The following ZC3H13 variants were observed in gnomAD, a reference collection of about 807,000 sequenced individuals.
The protein encoded by ZC3H13 is zinc finger CCCH domain-containing protein 13.
ZC3H13 carries 64 observed loss-of-function variants against 204.1 expected under a neutral mutation model. The ratio of observed to expected loss-of-function variants is 0.31; its 90% CI spans 0.26 to 0.39. ZC3H13 has a LOEUF of 0.39. Ranked by LOEUF, ZC3H13 falls within the 10% of genes least tolerant of loss-of-function variation. The probability of loss-of-function intolerance (pLI) is 1.00; values close to 1 mark genes in which losing one functional copy is unlikely to be tolerated. For missense variants in ZC3H13, 1,833 were observed against 2,082.7 expected (o/e 0.88, Z 2.33); for synonymous variants, 667 against 693.7 (o/e 0.96, Z 0.60).
intron 9 of ZC3H13, among the ~76,000 whole-genome samples, chr13:45,986,540 A>C (rs899031598): frequency 2.0e-5 from 3 of 152,252 alleles, no homozygotes; most frequent in African/African-American, 7.2e-5. Flanking sequence ...TTTTATAATA[A>C]AGAAATAGAG....
At chr13:45,968,310 T>G (rs1952263624) in intron 14 of ZC3H13, among the ~76,000 whole-genome samples, 1 of 152,070 alleles carries the variant, frequency 6.6e-6, no homozygotes, top group South Asian at 2.1e-4. Flanking sequence ...ACTATAACCA[T>G]AAAATATCTT....
intron 12 of ZC3H13, among the ~76,000 whole-genome samples, chr13:45,974,352 T>A (rs1034281829): frequency 6.6e-6 from 1 of 152,156 alleles, no homozygotes; most frequent in Non-Finnish European, 1.5e-5. Flanking sequence ...AGCCATCATA[T>A]GGAGAAAACC....
rs1157006780 is a variant in ZC3H13, at chr13:45,967,906, G to A, written c.3919C>T (p.His1307Tyr). ...CTCTCTCTCTCGCGCTCTCTGTCGT[G>A]TTCATATCGATCTCGTTCTTGAAGC... ...DRLQERDRYE[H>Y]DRERERERRD... The change falls in exon 15 of 19, where the codon CAC becomes TAC. Residue 1307 changes from histidine to tyrosine, a missense_variant. Physicochemically the swap from His to Tyr is moderately conservative, Grantham distance 83. This residue lies in a region of ZC3H13 where 1,574 missense variants were observed against 1,757.2 expected (regional missense o/e 0.90). Coordinates refer to ENST00000679008, the MANE Select transcript of ZC3H13 (RefSeq NM_001330564.2). 1 of 1,613,662 alleles carries A rather than the reference G, an allele frequency of 6.2e-7. No homozygotes were observed. The highest frequency in any genetic ancestry group is 8.5e-7 in the Non-Finnish European group (1 of 1,179,902).
intron 10 of ZC3H13, among the ~76,000 whole-genome samples, chr13:45,982,806 A>G (rs1566200523): frequency 6.6e-6 from 1 of 152,188 alleles, no homozygotes; most frequent in Admixed American, 6.5e-5. Context: ...ACAAAAAACA[A>G]AAACAAAAAA....
chr13:45,983,377 G>A (rs1953833564), intron 10 of ZC3H13, among the ~76,000 whole-genome samples: 1 of 111,384 alleles, frequency 9.0e-6, no homozygotes, highest in Non-Finnish European at 1.7e-5. Context: ...TTTAAAATCT[G>A]AAACAAAGCA....
chr13:45,979,788 T>C, intron 11 of ZC3H13, 25 bp downstream of exon 11: 1 of 1,538,754 alleles, frequency 6.5e-7, no homozygotes, highest in Non-Finnish European at 8.7e-7. Flanking sequence ...TTGTTCACTA[T>C]TTAATAAAAT....
At chr13:46,042,458 G>A (rs921483909) in intron 3 of ZC3H13, among the ~76,000 whole-genome samples, 183 bp from the exon 4 acceptor site, 1 of 151,992 alleles carries the variant, frequency 6.6e-6, no homozygotes, top group East Asian at 1.9e-4. Context: ...ATATTAATAT[G>A]CAAAACACGA....
chr13:46,005,320 TAC>T (rs1458271825), intron 7 of ZC3H13, among the ~76,000 whole-genome samples: 6 of 152,228 alleles, frequency 3.9e-5, no homozygotes, highest in Admixed American at 2.0e-4. Flanking sequence ...TTCTCTTTAT[TAC>T]ACAGTTACTG....
intron 11 of ZC3H13, among the ~76,000 whole-genome samples, chr13:45,977,394 C>T (rs1953143846): frequency 6.6e-6 from 1 of 152,152 alleles, no homozygotes; most frequent in Non-Finnish European, 1.5e-5. Flanking sequence ...TTCAGACATG[C>T]TTTTATGGGA....
intron 4 of ZC3H13, among the ~76,000 whole-genome samples, chr13:46,028,602 T>C (rs770211197): frequency 1.1e-4 from 17 of 152,168 alleles, no homozygotes; most frequent in Non-Finnish European, 2.1e-4. Flanking sequence ...AATCATACAA[T>C]GTCTGCTTTC....
chr13:45,989,384 T>A (rs750102605), intron 8 of ZC3H13, among the ~76,000 whole-genome samples: 1 of 152,164 alleles, frequency 6.6e-6, no homozygotes, highest in Non-Finnish European at 1.5e-5. Context: ...CTACCCTAAC[T>A]TAAAGTATGG....
Position 45,985,580 on chromosome 13 carries a change from T to C in ZC3H13, c.1437A>G (p.Ser479=). The change falls in exon 10 of 19, where the codon TCA becomes TCG. Residue 479 remains serine (S), a synonymous_variant. Coordinates refer to ENST00000679008, the MANE Select transcript of ZC3H13 (RefSeq NM_001330564.2). ...CTCTGCTATAATCTCTCATCTCCCTTGAGTCCCGCATGTCTCTGGAGTCTC... is the reference window on the plus strand; with the variant it reads ...CTCTGCTATAATCTCTCATCTCCCTCGAGTCCCGCATGTCTCTGGAGTCTC... ...ELRDSRDMRD[S]REMRDYSRDT... The C allele has an allele frequency of 6.2e-7, 1 of 1,613,934 alleles. No individual in the cohort carries two copies. The highest frequency in any genetic ancestry group is 2.2e-5 in the East Asian group (1 of 44,854).
chr13:45,957,300 A>G lies in ZC3H13; in HGVS notation c.4840-3T>C. 1.4e-6 allele frequency: 2 copies of G among 1,477,932 alleles called. No individual in the cohort carries two copies. Among genetic ancestry groups the G allele is most frequent in the Non-Finnish European group, 1.8e-6 (2 of 1,104,904 alleles). 91.6% of individuals were successfully genotyped at this position (1,477,932 alleles called of 1,614,324 possible). ...GTGTAAGCTTGTTTTATGGTGCCCT[A>G]TTTGAAGAAAACAAAAACAAACTTT... is the stretch of plus-strand genomic sequence containing the variant. On this transcript the variant is annotated splice_region_variant and splice_polypyrimidine_tract_variant and intron_variant, in intron 18 of 18. Transcript: ENST00000679008.
At chr13:46,024,635 AT>A (rs2042424271) in intron 4 of ZC3H13, among the ~76,000 whole-genome samples, 5 of 150,996 alleles carry the variant, frequency 3.3e-5, no homozygotes, top group Admixed American at 1.3e-4. Context: ...TCTATCTCTC[AT>A]GTACTGCACA....
intron 18 of ZC3H13, among the ~76,000 whole-genome samples, chr13:45,958,283 A>G (rs1246401782): frequency 6.6e-6 from 1 of 152,238 alleles, no homozygotes. Flanking sequence ...TTATATAGTC[A>G]AAGATAATTC....
intron 8 of ZC3H13, among the ~76,000 whole-genome samples, chr13:45,995,105 G>A (rs2040239539): frequency 6.6e-6 from 1 of 151,494 alleles, no homozygotes; most frequent in South Asian, 2.1e-4. Flanking sequence ...TTTTATTAAT[G>A]TCATTATAAC....
chr13:45,984,846 G>A (rs899835017), intron 10 of ZC3H13, among the ~76,000 whole-genome samples: 3 of 152,172 alleles, frequency 2.0e-5, no homozygotes, highest in African/African-American at 2.4e-5. Context: ...AGATAATGAC[G>A]TGTGGCAGTT....
chr13:45,974,178 A>G (rs1952822214), intron 12 of ZC3H13, among the ~76,000 whole-genome samples: 1 of 152,188 alleles, frequency 6.6e-6, no homozygotes, highest in Middle Eastern at 3.2e-3. Flanking sequence ...AACTCTAGTA[A>G]GTTTGGTTTT....
chr13:46,004,040 A>G (rs908127143), intron 7 of ZC3H13, among the ~76,000 whole-genome samples: 2 of 152,194 alleles, frequency 1.3e-5, no homozygotes, highest in African/African-American at 4.8e-5. Flanking sequence ...GGACACAATC[A>G]ACAAAGTGAA....
Sources: allele counts gnomAD v4.1 joint callset (sites outside exome capture counted in the v4.1 genomes callset), GRCh38; gene constraint gnomAD v4.1.1; regional missense constraint gnomAD v4.1.1; transcripts MANE v1.5; gene names NCBI Gene and HGNC (gene_info 2026-07-23, HGNC 2026-07-21).